IFT43: variants seen among roughly 807,000 people sequenced by gnomAD.
IFT43 encodes the protein intraflagellar transport 43, also known as intraflagellar transport protein 43 homolog.
A neutral mutation model predicts 32.3 loss-of-function variants in IFT43; 33 were observed. That is an observed-to-expected ratio of 1.02 (90% confidence interval 0.77 to 1.37). The LOEUF (loss-of-function observed/expected upper bound fraction) is 1.37. Ranked by LOEUF, IFT43 falls within the 40% of genes most tolerant of loss-of-function variation. The pLI is 0.00. For synonymous variants in IFT43, 93 were observed against 98.2 expected, an observed-to-expected ratio of 0.95 and a Z score of 0.31; for missense variants, 274 against 265.9, an observed-to-expected ratio of 1.03 and a Z score of -0.21.
At chr14:76,081,772 T>C (rs1248790014) in intron 5 of IFT43, among the ~76,000 whole-genome samples, 2 of 152,134 alleles carry the variant, frequency 1.3e-5, no homozygotes, top group Non-Finnish European at 2.9e-5. Flanking sequence ...AAGATGCCCT[T>C]GAGATGCAGG....
chr14:76,000,463 G>A lies in IFT43; in HGVS notation c.147+11486G>A, dbSNP rs539003493. Among the ~76,000 whole-genome samples, 157 of 151,154 alleles carry A rather than the reference G, an allele frequency of 1.0e-3. 1 individual carries two copies. Among genetic ancestry groups the A allele is most frequent in the African/African-American group, 3.5e-3 (146 of 41,140 alleles). ...TTTTTTTTGTATTTTTAGTAGAGACGGGGTTTCACCGTGTTCGCCAGGATT... is the reference window on the plus strand; with the variant it reads ...TTTTTTTTGTATTTTTAGTAGAGACAGGGTTTCACCGTGTTCGCCAGGATT... On this transcript the variant is annotated intron_variant, in intron 2 of 8. Transcript: ENST00000314067.
chr14:76,038,716 A>T (rs1383275418), intron 3 of IFT43, among the ~76,000 whole-genome samples: 1 of 152,238 alleles, frequency 6.6e-6, no homozygotes, highest in Non-Finnish European at 1.5e-5. Context: ...AGGGAAAAAT[A>T]ATTATCCCCA....
chr14:76,034,575 C>CA (rs2036565904), intron 3 of IFT43, among the ~76,000 whole-genome samples: 1 of 152,210 alleles, frequency 6.6e-6, no homozygotes, highest in Admixed American at 6.5e-5. Context: ...AGGAAAGTGT[C>CA]ACCAGTGAGA....
At chr14:76,035,208 AT>A (rs1416160382) in intron 3 of IFT43, among the ~76,000 whole-genome samples, 1 of 152,178 alleles carries the variant, frequency 6.6e-6, no homozygotes, top group Non-Finnish European at 1.5e-5. Flanking sequence ...CTGTCAGTTT[AT>A]TGATGAACGG....
intron 5 of IFT43, chr14:76,076,492 C>T: frequency 6.5e-7 from 1 of 1,537,112 alleles, no homozygotes; most frequent in Non-Finnish European, 8.8e-7. Flanking sequence ...CCTTTGTTCT[C>T]TCCCTGCTGG....
intron 5 of IFT43, among the ~76,000 whole-genome samples, chr14:76,077,787 T>C (rs887207787): frequency 2.6e-5 from 4 of 152,200 alleles, no homozygotes; most frequent in African/African-American, 9.7e-5. Flanking sequence ...CCGCCTTCAG[T>C]CTCTCCAGTG....
At chr14:76,070,312 C>G (rs147228532) in intron 5 of IFT43, among the ~76,000 whole-genome samples, 1 of 152,274 alleles carries the variant, frequency 6.6e-6, no homozygotes, top group African/African-American at 2.4e-5. Flanking sequence ...TTGCTTAATT[C>G]TTTCAGCATA....
intron 2 of IFT43, among the ~76,000 whole-genome samples, chr14:75,992,559 G>C (rs2035664515): frequency 6.6e-6 from 1 of 151,998 alleles, no homozygotes; most frequent in Non-Finnish European, 1.5e-5. Flanking sequence ...GTTTGTTTTT[G>C]TTTTGAGGCA....
intron 3 of IFT43, among the ~76,000 whole-genome samples, chr14:76,052,312 C>A (rs1284269448): frequency 6.6e-6 from 1 of 152,224 alleles, no homozygotes; most frequent in Non-Finnish European, 1.5e-5. Flanking sequence ...AACATTTTAA[C>A]TGAGGTGATG....
intron 5 of IFT43, among the ~76,000 whole-genome samples, chr14:76,067,913 G>A (rs1231175367): frequency 6.6e-6 from 1 of 152,212 alleles, no homozygotes; most frequent in African/African-American, 2.4e-5. Context: ...TTTATAAGCA[G>A]AACAAAATGT....
intron 2 of IFT43, among the ~76,000 whole-genome samples, chr14:76,020,945 G>A (rs1400429314): frequency 6.6e-6 from 1 of 152,186 alleles, no homozygotes; most frequent in Non-Finnish European, 1.5e-5. Flanking sequence ...GGGTAGACTG[G>A]CCATCAGGCT....
At chr14:75,997,875 A>G (rs955538202) in intron 2 of IFT43, among the ~76,000 whole-genome samples, 1 of 152,128 alleles carries the variant, frequency 6.6e-6, no homozygotes, top group Non-Finnish European at 1.5e-5. Context: ...CAGTTTAGCT[A>G]GAGTGGTCTT....
intron 5 of IFT43, among the ~76,000 whole-genome samples, chr14:76,065,516 G>T (rs1437097197): frequency 6.6e-6 from 1 of 151,924 alleles, no homozygotes; most frequent in Non-Finnish European, 1.5e-5. Context: ...CTCTCCCTTG[G>T]CCTCAGAAAA....
At chr14:76,056,864 AT>A (rs1360309412) in intron 3 of IFT43, among the ~76,000 whole-genome samples, 1 of 152,096 alleles carries the variant, frequency 6.6e-6, no homozygotes, top group African/African-American at 2.4e-5. Context: ...TTCCTTTAGG[AT>A]TCCGTTTACT....
At chr14:76,007,352 G>C (rs1332834220) in intron 2 of IFT43, among the ~76,000 whole-genome samples, 2 of 152,260 alleles carry the variant, frequency 1.3e-5, no homozygotes, top group Non-Finnish European at 1.5e-5. Flanking sequence ...AATGAAGCCA[G>C]GCATTTCTCT....
intron 3 of IFT43, among the ~76,000 whole-genome samples, chr14:76,053,582 C>T (rs545686247): frequency 3.9e-5 from 6 of 152,252 alleles, no homozygotes; most frequent in South Asian, 2.1e-4. Context: ...GCCATCAGCC[C>T]GCCGTGATGT....
chr14:76,005,762 T>A lies in IFT43; in HGVS notation c.148-16565T>A, dbSNP rs185995196. ...TCAGATAATCTATTTGAGCATGGAT[T>A]TTTACCAATCCAGTTCTTTTCTTTC... On this transcript the variant is annotated intron_variant, in intron 2 of 8. Coordinates refer to ENST00000314067, the MANE Select transcript of IFT43 (RefSeq NM_001102564.3). Among the ~76,000 whole-genome samples, 163 of 152,284 alleles carry A rather than the reference T, an allele frequency of 1.1e-3. 2 individuals carry two copies. Among genetic ancestry groups the A allele is most frequent in the Middle Eastern group, 3.4e-3 (1 of 294 alleles).
intron 3 of IFT43, among the ~76,000 whole-genome samples, chr14:76,039,827 A>G (rs1045493331): frequency 6.6e-5 from 10 of 152,118 alleles, no homozygotes; most frequent in African/African-American, 2.2e-4. Context: ...AAGGTACTCT[A>G]TGCAGGTTAA....
chr14:76,073,834 T>G (rs11159168), intron 5 of IFT43, among the ~76,000 whole-genome samples: 10 of 152,086 alleles, frequency 6.6e-5, no homozygotes, highest in South Asian at 4.2e-4. Context: ...TTGATTGTTG[T>G]GCTGCTCCCT....
Sources: allele counts gnomAD v4.1 joint callset (sites outside exome capture counted in the v4.1 genomes callset), GRCh38; gene constraint gnomAD v4.1.1; transcripts MANE v1.5; gene names NCBI Gene and HGNC (gene_info 2026-07-23, HGNC 2026-07-21).